OCA2: variants seen among roughly 807,000 people sequenced by gnomAD.
OCA2 encodes the protein OCA2 melanosomal transmembrane protein.
Under a neutral mutation model 100.2 loss-of-function variants are expected in OCA2, and 77 were observed. The observed-to-expected ratio is 0.77, with a 90% CI of 0.64 to 0.93. The LOEUF (loss-of-function observed/expected upper bound fraction) is 0.93, where lower values mean the gene tolerates loss of function less well. Among genes scored for constraint, OCA2 ranks in the 40% least tolerant of loss-of-function variants. The pLI, the probability that OCA2 is intolerant of heterozygous loss-of-function variation, is 0.00. For synonymous variants in OCA2, 432 were observed against 439.2 expected, an observed-to-expected ratio of 0.98 and a Z score of 0.21; for missense variants, 1,062 against 1,089.1, an observed-to-expected ratio of 0.98 and a Z score of 0.35.
At chr15:28,044,438 G>A (rs909612426) in intron 2 of OCA2, among the ~76,000 whole-genome samples, 2 of 152,162 alleles carry the variant, frequency 1.3e-5, no homozygotes, top group African/African-American at 4.8e-5. Flanking sequence ...TTGTCCAGGA[G>A]ATTCTTGTCC....
intron 19 of OCA2, among the ~76,000 whole-genome samples, chr15:27,923,194 T>C (rs1176170787): frequency 3.9e-5 from 6 of 152,258 alleles, no homozygotes; most frequent in African/African-American, 1.2e-4. Context: ...TGTTTATACA[T>C]ATACTTTACT....
chr15:27,851,352 C>G lies in OCA2; in HGVS notation c.2338+30G>C, dbSNP rs201396266. 2.0e-4 allele frequency: 320 copies of G among 1,569,968 alleles called. 2 individuals are homozygous for G. The East Asian group carries it at 5.1e-3, about 25-fold the overall frequency. On this transcript the variant is annotated intron_variant, in intron 22 of 23. Transcript: ENST00000354638. ...CTGAACCACAGTGTGGGCGTGCACCCCCACCCCCATGCAGTCAGCAGCCCC... is the reference window on the plus strand; with the variant it reads ...CTGAACCACAGTGTGGGCGTGCACCGCCACCCCCATGCAGTCAGCAGCCCC...
chr15:27,987,678 A>G (rs1263047940), intron 11 of OCA2, among the ~76,000 whole-genome samples: 3 of 152,054 alleles, frequency 2.0e-5, no homozygotes, highest in East Asian at 1.9e-4. Flanking sequence ...GCAGTGAGCC[A>G]AGATCACGCC....
intron 19 of OCA2, among the ~76,000 whole-genome samples, chr15:27,904,187 C>T (rs1003800669): frequency 3.3e-5 from 5 of 152,154 alleles, no homozygotes; most frequent in Admixed American, 3.3e-4. Context: ...AGCCAGCCCA[C>T]AGTGCATTGT....
At chr15:27,968,572 AAT>A (rs2040659119) in intron 14 of OCA2, among the ~76,000 whole-genome samples, 1 of 152,250 alleles carries the variant, frequency 6.6e-6, no homozygotes, top group Non-Finnish European at 1.5e-5. Context: ...ACTTTTAGAA[AAT>A]ATGTGAAATC....
At chr15:27,779,827 T>C (rs1335600665) in intron 23 of OCA2, among the ~76,000 whole-genome samples, 2 of 152,242 alleles carry the variant, frequency 1.3e-5, no homozygotes, top group African/African-American at 2.4e-5. Context: ...GTTTGTCTTA[T>C]AGCTTTTTTG....
At chr15:28,048,397 G>A (rs544507749) in intron 2 of OCA2, among the ~76,000 whole-genome samples, 46 of 152,236 alleles carry the variant, frequency 3.0e-4, no homozygotes, top group African/African-American at 1.1e-3. Context: ...TACATCTTAT[G>A]GCCAACCAGT....
chr15:27,724,403 C>T, the OCA2 span, among the ~76,000 whole-genome samples: 1 of 152,156 alleles, frequency 6.6e-6, no homozygotes, highest in Non-Finnish European at 1.5e-5. Context: ...TGTGTCCACA[C>T]TTCCCCTTGG....
intron 18 of OCA2, among the ~76,000 whole-genome samples, chr15:27,940,871 C>T (rs935433556): frequency 6.6e-6 from 1 of 152,194 alleles, no homozygotes; most frequent in Admixed American, 6.5e-5. Flanking sequence ...GGCCACAGCA[C>T]TATTCTCTCA....
At chr15:28,036,683 A>G (rs2043053375) in intron 2 of OCA2, among the ~76,000 whole-genome samples, 1 of 151,856 alleles carries the variant, frequency 6.6e-6, no homozygotes, top group African/African-American at 2.4e-5. Context: ...TATGATGCTT[A>G]TATCATCATA....
intron 23 of OCA2, among the ~76,000 whole-genome samples, chr15:27,781,296 A>G (rs1566958622): frequency 6.6e-6 from 1 of 152,240 alleles, no homozygotes; most frequent in Non-Finnish European, 1.5e-5. Flanking sequence ...CAGCACACCC[A>G]GTTCCTACCA....
rs1381931854 is a variant in OCA2, at chr15:27,985,191, G to A, written c.1240-3C>T. 1 of 1,613,684 alleles carries A rather than the reference G, an allele frequency of 6.2e-7. No homozygotes were observed. The highest frequency in any genetic ancestry group is 8.5e-7 in the Non-Finnish European group (1 of 1,179,962). The stretch of plus-strand genomic sequence containing the variant: ...CGTCCCCGGGAGAGCCGGTATGCCT[G>A]GCCACACACACACAGAGAGAGTACA... On this transcript the variant is annotated splice_polypyrimidine_tract_variant and splice_region_variant and intron_variant, in intron 12 of 23. Coordinates refer to ENST00000354638, the MANE Select transcript of OCA2 (RefSeq NM_000275.3).
At chr15:27,905,021 G>A (rs547111534) in intron 19 of OCA2, among the ~76,000 whole-genome samples, 51 of 152,124 alleles carry the variant, frequency 3.4e-4, no homozygotes, top group Admixed American at 1.6e-3. Flanking sequence ...AAAATTAGCC[G>A]GGCGTGGTGG....
chr15:27,893,276 G>A (rs981575471), intron 19 of OCA2, among the ~76,000 whole-genome samples: 3 of 152,128 alleles, frequency 2.0e-5, no homozygotes, highest in African/African-American at 4.8e-5. Flanking sequence ...ATCTTCATAA[G>A]CTGAGGATGT....
intron 21 of OCA2, among the ~76,000 whole-genome samples, chr15:27,859,119 T>A (rs768352825): frequency 1.3e-5 from 2 of 151,554 alleles, no homozygotes; most frequent in Non-Finnish European, 2.9e-5. Flanking sequence ...TAAGAAACTA[T>A]AAAAAGGCAA....
At chr15:27,863,011 G>A (rs2036192819) in intron 21 of OCA2, among the ~76,000 whole-genome samples, 1 of 152,180 alleles carries the variant, frequency 6.6e-6, no homozygotes, top group Non-Finnish European at 1.5e-5. Context: ...TCTGGCCCAG[G>A]CAATGGGTCT....
At chr15:27,762,507 T>C (rs138554987) in intron 23 of OCA2, among the ~76,000 whole-genome samples, 1 of 152,328 alleles carries the variant, frequency 6.6e-6, no homozygotes, top group Non-Finnish European at 1.5e-5. Context: ...CTTTAACCCA[T>C]GACTTATTGT....
In OCA2 at chr15:27,845,018, G is replaced by C. The variant is rs761657884; in HGVS notation, c.2373C>G (p.Val791=). The C allele has an allele frequency of 2.5e-6, 4 of 1,613,884 alleles. No homozygotes were observed. The highest frequency in any genetic ancestry group is 1.7e-5 in the Admixed American group (1 of 59,994). ...GCTGTTCTGCAATCCCTGCACACAC[G>C]ACGTTTGCCGACGCGCCAATCAGTG... ...NGTLIGASAN[V]VCAGIAEQHG... is the part of the protein sequence containing the mutation. The change falls in exon 23 of 24, where the codon GTC becomes GTG. Residue 791 remains valine (V), a synonymous_variant. Coordinates refer to ENST00000354638, the MANE Select transcript of OCA2 (RefSeq NM_000275.3).
At chr15:28,094,898 CAG>C (rs2044943456) in intron 1 of OCA2, among the ~76,000 whole-genome samples, 1 of 152,254 alleles carries the variant, frequency 6.6e-6, no homozygotes, top group African/African-American at 2.4e-5. Context: ...CCAGGACCGA[CAG>C]AGGCCAGGGC....
Sources: allele counts gnomAD v4.1 joint callset (sites outside exome capture counted in the v4.1 genomes callset), GRCh38; gene constraint gnomAD v4.1.1; transcripts MANE v1.5; gene names NCBI Gene and HGNC (gene_info 2026-07-23, HGNC 2026-07-21).